Variants in ANO10 observed in about 807,000 individuals in gnomAD.
ANO10 encodes anoctamin 10.
A neutral mutation model predicts 74.7 loss-of-function variants in ANO10; 77 were observed. The observed-to-expected ratio is 1.03, with a 90% CI of 0.86 to 1.25. The LOEUF (loss-of-function observed/expected upper bound fraction) is 1.25. ANO10 is among the 50% of genes most tolerant of loss of function. The pLI, the probability that ANO10 is intolerant of heterozygous loss-of-function variation, is 0.00. For missense variants in ANO10, 721 were observed against 778.1 expected (o/e 0.93, Z 0.87); for synonymous variants, 279 against 284.9 (o/e 0.98, Z 0.21).
At chr3:43,373,234 C>T (rs73831285) in intron 12 of ANO10, among the ~76,000 whole-genome samples, 2 of 151,580 alleles carry the variant, frequency 1.3e-5, no homozygotes, top group African/African-American at 2.4e-5. Flanking sequence ...GAGTGACGGG[C>T]GAGTGTGACA....
At chr3:43,584,691 A>G (rs1239988783) in intron 4 of ANO10, among the ~76,000 whole-genome samples, 1 of 152,198 alleles carries the variant, frequency 6.6e-6, no homozygotes, top group East Asian at 1.9e-4. Flanking sequence ...TCATGGACCT[A>G]CAATGCACAT....
intron 1 of ANO10, among the ~76,000 whole-genome samples, chr3:43,643,180 C>T (rs1227737217): frequency 9.2e-5 from 14 of 151,914 alleles, no homozygotes; most frequent in African/African-American, 3.4e-4. Flanking sequence ...TACAGGCACC[C>T]GCCACGACGC....
intron 11 of ANO10, among the ~76,000 whole-genome samples, chr3:43,544,966 C>T (rs1048452430): frequency 1.3e-5 from 2 of 151,926 alleles, no homozygotes; most frequent in Non-Finnish European, 2.9e-5. Context: ...TTTTCTAAGT[C>T]GTGTTTGTTC....
chr3:43,538,169 T>C (rs575429251), intron 11 of ANO10, among the ~76,000 whole-genome samples: 2 of 152,282 alleles, frequency 1.3e-5, no homozygotes, highest in East Asian at 3.9e-4. Flanking sequence ...CAGCTAAGTG[T>C]TTCTAAAAGT....
intron 11 of ANO10, among the ~76,000 whole-genome samples, chr3:43,539,598 TC>T (rs1440628019): frequency 6.6e-6 from 1 of 152,064 alleles, no homozygotes; most frequent in African/African-American, 2.4e-5. Flanking sequence ...TGACAGAAGG[TC>T]TTGAAAGCAT....
At chr3:43,444,535 G>T (rs968021609) in intron 11 of ANO10, among the ~76,000 whole-genome samples, 5 of 152,194 alleles carry the variant, frequency 3.3e-5, no homozygotes, top group Non-Finnish European at 7.3e-5. Flanking sequence ...TTAAGATTAT[G>T]ATTTCATTCT....
intron 1 of ANO10, among the ~76,000 whole-genome samples, chr3:43,633,119 T>C (rs2083566546): frequency 6.6e-6 from 1 of 152,220 alleles, no homozygotes; most frequent in African/African-American, 2.4e-5. Context: ...AACGTAAATT[T>C]ATTTTCACGT....
intron 1 of ANO10, among the ~76,000 whole-genome samples, chr3:43,665,483 T>C (rs931016720): frequency 1.3e-5 from 2 of 152,152 alleles, no homozygotes; most frequent in South Asian, 2.1e-4. Context: ...GTAACAAAAC[T>C]GCACGTTCTG....
chr3:43,490,949 AG>A (rs1170921949), intron 11 of ANO10, among the ~76,000 whole-genome samples: 1 of 152,206 alleles, frequency 6.6e-6, no homozygotes, highest in Non-Finnish European at 1.5e-5. Flanking sequence ...GGTGAGCAGC[AG>A]CTTCCCGATA....
chr3:43,415,677 G>A (rs1017234283), intron 12 of ANO10, among the ~76,000 whole-genome samples: 33 of 152,176 alleles, frequency 2.2e-4, no homozygotes, highest in Admixed American at 3.9e-4. Context: ...AAGTAGCTGG[G>A]ATTACAGGTG....
At chr3:43,493,446 G>A (rs2076803763) in intron 11 of ANO10, among the ~76,000 whole-genome samples, 1 of 152,002 alleles carries the variant, frequency 6.6e-6, no homozygotes, top group African/African-American at 2.4e-5. Flanking sequence ...TCAAACAGTT[G>A]ATAATGCCTG....
At chr3:43,394,164 C>T (rs1188379980) in intron 12 of ANO10, among the ~76,000 whole-genome samples, 1 of 152,098 alleles carries the variant, frequency 6.6e-6, no homozygotes, top group African/African-American at 2.4e-5. Flanking sequence ...GAGACAACAT[C>T]CTTCCTGTTT....
At chr3:43,556,630 A>G (rs963691506) in intron 9 of ANO10, among the ~76,000 whole-genome samples, 21 of 152,330 alleles carry the variant, frequency 1.4e-4, no homozygotes, top group Admixed American at 1.2e-3. Context: ...CAAAGAAAAC[A>G]CATACACACA....
rs1559615743 is a variant in ANO10, at chr3:43,497,676, C to T, written c.1797+52044G>A. On this transcript the variant is annotated intron_variant, in intron 11 of 12. Coordinates refer to ENST00000292246, the MANE Select transcript of ANO10 (RefSeq NM_018075.5). ...GGGAAGGGAGGGGCCCCTACCACCT[C>T]CCAGATGCCCTCTGCCCTCCTACAG... 2.0e-5 allele frequency among the ~76,000 whole-genome samples: 3 copies of T among 152,142 alleles called. No homozygotes were observed. In the South Asian group the frequency reaches 6.2e-4, roughly 32 times the overall value.
At chr3:43,587,415 T>C (rs914380741) in intron 4 of ANO10, among the ~76,000 whole-genome samples, 39 of 152,128 alleles carry the variant, frequency 2.6e-4, no homozygotes, top group African/African-American at 9.4e-4. Context: ...GGAGTCCATA[T>C]GGTGTAGGAA....
chr3:43,680,952 T>C (rs1039566912), intron 1 of ANO10, among the ~76,000 whole-genome samples: 14 of 152,152 alleles, frequency 9.2e-5, no homozygotes, highest in African/African-American at 2.9e-4. Context: ...AAGGAACAAC[T>C]GGTACCAGCC....
In ANO10 at chr3:43,570,415, A is replaced by C. The variant is rs918304375; in HGVS notation, c.1218+4394T>G. Among the ~76,000 whole-genome samples the C allele has an allele frequency of 4.9e-3, 744 of 151,500 alleles. 5 individuals carry two copies. Among genetic ancestry groups the C allele is most frequent in the Non-Finnish European group, 7.0e-3 (469 of 67,470 alleles). ...AAAAGAACAAAGCTGGAGGCATCAC[A>C]CTACCTGACTTCAAACTATACTACA... On this transcript the variant is annotated intron_variant, in intron 7 of 12. Transcript: ENST00000292246.
At chr3:43,552,848 G>C (rs1216642750) in intron 10 of ANO10, among the ~76,000 whole-genome samples, 1 of 151,440 alleles carries the variant, frequency 6.6e-6, no homozygotes, top group East Asian at 1.9e-4. Context: ...GGCTGGAGTG[G>C]AATGGCGCAA....
chr3:43,632,053 A>G (rs1575571498), intron 1 of ANO10, among the ~76,000 whole-genome samples: 1 of 151,018 alleles, frequency 6.6e-6, no homozygotes, highest in Non-Finnish European at 1.5e-5. Flanking sequence ...AGCCTCGGTG[A>G]CAGAGTGAGA....
Sources: gnomAD v4.1 joint callset for allele counts (sites outside exome capture counted in the v4.1 genomes callset) on GRCh38, gnomAD v4.1.1 for gene constraint, MANE v1.5 for transcripts, NCBI Gene and HGNC (gene_info 2026-07-23, HGNC 2026-07-21) for gene names.